The following CRLS1 variants were observed in gnomAD, a reference collection of about 807,000 sequenced individuals.
The protein encoded by CRLS1 is cardiolipin synthase (CMP-forming).
In CRLS1, 24 loss-of-function variants were observed where a neutral mutation model predicts 37.0. That is an observed-to-expected ratio of 0.65 (90% CI 0.47 to 0.91). The LOEUF is 0.91. Ranked by LOEUF, CRLS1 falls within the 40% of genes least tolerant of loss-of-function variation. CRLS1 has a pLI of 0.00. For missense variants in CRLS1, 373 were observed against 395.8 expected, an observed-to-expected ratio of 0.94 and a Z score of 0.49; for synonymous variants, 135 against 159.7, an observed-to-expected ratio of 0.85 and a Z score of 1.17.
At chr20:6,032,821 A>T (rs1378668001) in intron 5 of CRLS1, among the ~76,000 whole-genome samples, 1 of 152,198 alleles carries the variant, frequency 6.6e-6, no homozygotes, top group East Asian at 1.9e-4. Context: ...TTAACAGGTT[A>T]AGAATGCCCA....
chr20:6,037,964 A>T lies in CRLS1; in HGVS notation c.*806A>T, dbSNP rs888869329. 1.3e-5 allele frequency: 2 copies of T among 152,160 alleles called. No homozygotes were observed. The highest frequency in any genetic ancestry group is 1.5e-5 in the Non-Finnish European group (1 of 68,020). 9.4% of individuals were successfully genotyped at this position (152,160 alleles called of 1,614,324 possible). On this transcript the variant is annotated 3_prime_UTR_variant, in exon 7 of 7. Coordinates refer to ENST00000378863, the MANE Select transcript of CRLS1 (RefSeq NM_019095.6). ...TTTTATGTAAATAATATCAAGCTGT[A>T]TATTTTTCAAAGGTTTTTTAAACTT...
chr20:6,032,176 T>C, intron 5 of CRLS1, 96 bp downstream of exon 5: 2 of 937,514 alleles, frequency 2.1e-6, no homozygotes, highest in Non-Finnish European at 3.4e-6. Context: ...ATGAGACAAA[T>C]TTAAATGCAT....
At chr20:6,010,405 T>C (rs1438234811) in intron 2 of CRLS1, among the ~76,000 whole-genome samples, 1 of 152,228 alleles carries the variant, frequency 6.6e-6, no homozygotes, top group Admixed American at 6.5e-5. Flanking sequence ...TCAGGTTTCA[T>C]GCTAGCAGAA....
At chr20:6,022,372 T>C (rs1979346875) in intron 3 of CRLS1, among the ~76,000 whole-genome samples, 1 of 143,078 alleles carries the variant, frequency 7.0e-6, no homozygotes, top group South Asian at 2.3e-4. Flanking sequence ...AGGGTCTTGC[T>C]CTGTCACCCA....
rs1000740241 is a variant in CRLS1, at chr20:6,006,311, G to A, written c.65G>A (p.Gly22Glu). 2.6e-5 allele frequency: 34 copies of A among 1,327,652 alleles called. No individual in the cohort carries two copies. Among genetic ancestry groups the A allele is most frequent in the Non-Finnish European group, 3.3e-5 (34 of 1,039,408 alleles). 82.2% of individuals were successfully genotyped at this position (1,327,652 alleles called of 1,614,324 possible). ...GALRGAAWAP[G>E]TRPSKRRACW... The stretch of plus-strand genomic sequence containing the variant: ...CTGCGCGGCGCCGCTTGGGCTCCGG[G>A]AACGCGGCCGAGTAAGCGACGCGCC... The change falls in exon 1 of 7, where the codon GGA becomes GAA. Residue 22 changes from glycine to glutamate, a missense_variant. Transcript: ENST00000378863.
intron 2 of CRLS1, among the ~76,000 whole-genome samples, chr20:6,011,707 T>C (rs1474377897): frequency 1.3e-5 from 2 of 148,694 alleles, no homozygotes; most frequent in African/African-American, 4.9e-5. Flanking sequence ...TGCCTCAGCC[T>C]CCTGGGTAGC....
intron 3 of CRLS1, among the ~76,000 whole-genome samples, chr20:6,027,598 A>G (rs1446919495): frequency 6.6e-6 from 1 of 151,002 alleles, no homozygotes; most frequent in Non-Finnish European, 1.5e-5. Flanking sequence ...TATTTTTAGT[A>G]AAGATAGGGT....
At chr20:6,007,221 T>C (rs2090069608) in intron 1 of CRLS1, 6 of 1,457,580 alleles carry the variant, frequency 4.1e-6, no homozygotes, top group Non-Finnish European at 4.5e-6. Context: ...TCAATTGTTA[T>C]GTCTTCAGTG....
chr20:6,025,834 A>T (rs1979639354), intron 3 of CRLS1, among the ~76,000 whole-genome samples: 3 of 152,248 alleles, frequency 2.0e-5, no homozygotes, highest in African/African-American at 4.8e-5. Context: ...AAATAGTAAG[A>T]TAGCTAGAAT....
rs1178897883 is a variant in CRLS1, at chr20:6,009,930, T to A, written c.444+18T>A. On this transcript the variant is annotated intron_variant, in intron 2 of 6. Coordinates refer to ENST00000378863, the MANE Select transcript of CRLS1 (RefSeq NM_019095.6). The stretch of plus-strand genomic sequence containing the variant: ...CAGATTTGGTAAGTTGTAAATGCAC[T>A]CCCAGTTTGCTCTCCTTCCAAATCC... 1 of 1,610,610 alleles carries A rather than the reference T, an allele frequency of 6.2e-7. No individual in the cohort carries two copies. The highest frequency in any genetic ancestry group is 2.2e-5 in the East Asian group (1 of 44,792).
At chr20:6,030,512 C>G (rs1005741746) in intron 3 of CRLS1, among the ~76,000 whole-genome samples, 1 of 152,212 alleles carries the variant, frequency 6.6e-6, no homozygotes, top group East Asian at 1.9e-4. Flanking sequence ...CGCTTGAGCT[C>G]AGGAGTTTTA....
intron 2 of CRLS1, among the ~76,000 whole-genome samples, chr20:6,010,699 A>G (rs1420930293): frequency 6.6e-6 from 1 of 152,226 alleles, no homozygotes; most frequent in African/African-American, 2.4e-5. Flanking sequence ...ATCATCATGT[A>G]TGACATTATT....
At chr20:6,025,562 A>C (rs1349598045) in intron 3 of CRLS1, among the ~76,000 whole-genome samples, 1 of 152,216 alleles carries the variant, frequency 6.6e-6, no homozygotes, top group Non-Finnish European at 1.5e-5. Flanking sequence ...TTTGACTTTC[A>C]AGTCTTACTA....
intron 3 of CRLS1, among the ~76,000 whole-genome samples, chr20:6,027,520 T>C (rs888206674): frequency 1.3e-5 from 2 of 152,106 alleles, no homozygotes; most frequent in Non-Finnish European, 2.9e-5. Context: ...CAATAAGTGA[T>C]TATTGTGCTT....
intron 2 of CRLS1, among the ~76,000 whole-genome samples, chr20:6,010,781 T>G (rs1049029008): frequency 1.3e-5 from 2 of 152,234 alleles, no homozygotes; most frequent in Non-Finnish European, 2.9e-5. Context: ...TGGCTTACAC[T>G]TGTAATTCCA....
At chr20:6,025,702 G>T (rs1296909003) in intron 3 of CRLS1, among the ~76,000 whole-genome samples, 1 of 152,196 alleles carries the variant, frequency 6.6e-6, no homozygotes, top group African/African-American at 2.4e-5. Context: ...GAATATTGGT[G>T]ATTCATGGGA....
chr20:6,015,565 A>G, intron 3 of CRLS1, 75 bp downstream of exon 3: 1 of 1,421,942 alleles, frequency 7.0e-7, no homozygotes, highest in Non-Finnish European at 9.9e-7. Context: ...TTCTCTTGAG[A>G]GACAAATAAT....
chr20:6,015,327 A>AT (rs1978655637), intron 2 of CRLS1, 34 bp from the exon 3 acceptor site: 1 of 1,440,646 alleles, frequency 6.9e-7, no homozygotes, highest in African/African-American at 1.4e-5. Flanking sequence ...CTGTTATGAC[A>AT]TTTATATATA....
chr20:6,008,972 A>T (rs1340889590), intron 1 of CRLS1, among the ~76,000 whole-genome samples: 1 of 152,218 alleles, frequency 6.6e-6, no homozygotes, highest in Admixed American at 6.5e-5. Context: ...GAAGTTATAT[A>T]TTAAAGGCTT....
Sources: allele counts gnomAD v4.1 joint callset (sites outside exome capture counted in the v4.1 genomes callset), GRCh38; gene constraint gnomAD v4.1.1; transcripts MANE v1.5; gene names NCBI Gene and HGNC (gene_info 2026-07-23, HGNC 2026-07-21).